GBE1: variants seen among roughly 807,000 people sequenced by gnomAD.
GBE1 encodes the protein 1,4-alpha-glucan-branching enzyme.
Under a neutral mutation model 88.8 loss-of-function variants are expected in GBE1, and 70 were observed. That is an observed-to-expected ratio of 0.79 (90% CI 0.65 to 0.96). The LOEUF (loss-of-function observed/expected upper bound fraction) is 0.96. Among genes scored for constraint, GBE1 ranks in the 40% least tolerant of loss-of-function variants. The pLI, the probability that GBE1 is intolerant of heterozygous loss-of-function variation, is 0.00. For synonymous variants in GBE1, 284 were observed against 300.1 expected, an observed-to-expected ratio of 0.95 and a Z score of 0.56; for missense variants, 872 against 871.0, an observed-to-expected ratio of 1.00 and a Z score of -0.01.
chr3:81,580,461 C>G (rs1040486368), intron 11 of GBE1, among the ~76,000 whole-genome samples: 1 of 152,026 alleles, frequency 6.6e-6, no homozygotes, highest in African/African-American at 2.4e-5. Context: ...TTCCCAGATG[C>G]AGATGCGTGG....
At chr3:81,588,105 T>C (rs1328068757) in intron 9 of GBE1, among the ~76,000 whole-genome samples, 1 of 22,020 alleles carries the variant, frequency 4.5e-5, no homozygotes, top group Non-Finnish European at 7.6e-5. Context: ...AAATGCTTCT[T>C]TTTTTTTTTT....
At chr3:81,634,438 T>A (rs548541202) in intron 7 of GBE1, among the ~76,000 whole-genome samples, 4 of 152,352 alleles carry the variant, frequency 2.6e-5, no homozygotes, top group African/African-American at 7.2e-5. Context: ...CTATATAGTA[T>A]ACATGATTAT....
chr3:81,705,478 C>T lies in GBE1; in HGVS notation c.279G>A (p.Pro93=), dbSNP rs76807363. 8.7e-6 allele frequency: 14 copies of T among 1,600,020 alleles called. No homozygotes were observed. The highest frequency in any genetic ancestry group is 4.6e-5 in the South Asian group (4 of 87,528). The change falls in exon 2 of 16, where the codon CCG becomes CCA. Residue 93 remains proline (P), a synonymous_variant. Coordinates refer to ENST00000429644, the MANE Select transcript of GBE1 (RefSeq NM_000158.4). ...CAGTAAGAAAAACTCCTTCTGCTCC[C>T]GGGGCCCATTCTTTGCAGTATAAAC... ...DGGLYCKEWA[P]GAEGVFLTGD... is the part of the protein sequence containing the mutation.
At chr3:81,671,445 A>C (rs1228338827) in intron 2 of GBE1, among the ~76,000 whole-genome samples, 3 of 152,188 alleles carry the variant, frequency 2.0e-5, no homozygotes, top group East Asian at 3.8e-4. Context: ...AGGTTATATA[A>C]AGTATAGGAA....
At chr3:81,692,149 G>A (rs1045095281) in intron 2 of GBE1, among the ~76,000 whole-genome samples, 1 of 152,154 alleles carries the variant, frequency 6.6e-6, no homozygotes, top group Non-Finnish European at 1.5e-5. Context: ...GTACAGTGAG[G>A]ACTGGTAGTT....
At chr3:81,679,938 T>C (rs370763756) in intron 2 of GBE1, among the ~76,000 whole-genome samples, 8 of 152,166 alleles carry the variant, frequency 5.3e-5, no homozygotes, top group African/African-American at 1.9e-4. Flanking sequence ...GCAAAGCATA[T>C]AAAAACAGAG....
intron 7 of GBE1, among the ~76,000 whole-genome samples, chr3:81,630,771 C>A (rs1704496543): frequency 6.6e-6 from 1 of 152,102 alleles, no homozygotes; most frequent in Non-Finnish European, 1.5e-5. Flanking sequence ...CATTGGTTTA[C>A]CATTGATTAC....
At chr3:81,740,684 G>C (rs1048241981) in intron 1 of GBE1, among the ~76,000 whole-genome samples, 1 of 151,824 alleles carries the variant, frequency 6.6e-6, no homozygotes, top group African/African-American at 2.4e-5. Flanking sequence ...GCTAAGAATA[G>C]TGCCTCCGGA....
intron 14 of GBE1, among the ~76,000 whole-genome samples, chr3:81,521,818 A>C (rs1314157718): frequency 6.6e-6 from 1 of 151,564 alleles, no homozygotes; most frequent in African/African-American, 2.4e-5. Context: ...TGAATAAATA[A>C]AGAAAAAGGA....
At chr3:81,638,876 T>G (rs953089520) in intron 7 of GBE1, among the ~76,000 whole-genome samples, 2 of 152,130 alleles carry the variant, frequency 1.3e-5, no homozygotes, top group Non-Finnish European at 2.9e-5. Context: ...CAGCAACATA[T>G]CTCTACAGAA....
intron 1 of GBE1, among the ~76,000 whole-genome samples, chr3:81,748,336 G>T (rs562592736): frequency 6.6e-6 from 1 of 152,312 alleles, no homozygotes; most frequent in East Asian, 1.9e-4. Context: ...TGAAGGCCGG[G>T]TGCGGTGGCT....
intron 7 of GBE1, among the ~76,000 whole-genome samples, chr3:81,607,061 T>C (rs1185897891): frequency 6.6e-6 from 1 of 152,166 alleles, no homozygotes; most frequent in Non-Finnish European, 1.5e-5. Context: ...CATATTGCCA[T>C]TTATGGTTTT....
chr3:81,631,560 C>A (rs1196895298), intron 7 of GBE1, among the ~76,000 whole-genome samples: 3 of 151,458 alleles, frequency 2.0e-5, no homozygotes, highest in Non-Finnish European at 2.9e-5. Context: ...CATGGTGAAA[C>A]CCCGTCTCTA....
chr3:81,568,304 T>C (rs896176059), intron 12 of GBE1, among the ~76,000 whole-genome samples: 3 of 152,078 alleles, frequency 2.0e-5, no homozygotes, highest in East Asian at 1.9e-4. Flanking sequence ...CGTGCCACCA[T>C]GCACAGCTAA....
intron 14 of GBE1, among the ~76,000 whole-genome samples, chr3:81,503,708 G>A (rs17019039): frequency 0.13 from 19,691 of 152,104 alleles, 1,816 homozygotes; most frequent in East Asian, 0.37. Context: ...TGGGAGGTGC[G>A]CGTAAGTCAA....
chr3:81,497,172 G>A (rs1168401144), intron 15 of GBE1, among the ~76,000 whole-genome samples: 1 of 152,154 alleles, frequency 6.6e-6, no homozygotes. Flanking sequence ...TTTTAATTAT[G>A]CCAGCAGATC....
chr3:81,591,005 G>A (rs749032215), intron 9 of GBE1, 32 bp downstream of exon 9: 1 of 1,579,120 alleles, frequency 6.3e-7, no homozygotes. Flanking sequence ...TATTAAAGGG[G>A]GTCAGAAGGT....
At chr3:81,614,165 C>A (rs1201127394) in intron 7 of GBE1, among the ~76,000 whole-genome samples, 2 of 152,124 alleles carry the variant, frequency 1.3e-5, no homozygotes, top group Non-Finnish European at 2.9e-5. Flanking sequence ...CAGGTGCACA[C>A]CACCACTCTT....
At chr3:81,498,015 A>T (rs1183661352) in intron 15 of GBE1, among the ~76,000 whole-genome samples, 1 of 152,170 alleles carries the variant, frequency 6.6e-6, no homozygotes, top group Non-Finnish European at 1.5e-5. Context: ...CTAAAGCTGT[A>T]TCAGTGTCAT....
Sources: allele counts gnomAD v4.1 joint callset (sites outside exome capture counted in the v4.1 genomes callset), GRCh38; gene constraint gnomAD v4.1.1; transcripts MANE v1.5; gene names NCBI Gene and HGNC (gene_info 2026-07-23, HGNC 2026-07-21).